The following B4GALNT3 variants were observed in gnomAD, a reference collection of about 807,000 sequenced individuals.
The protein encoded by B4GALNT3 is beta-1,4-N-acetylgalactosaminyltransferase 3.
A neutral mutation model predicts 120.2 loss-of-function variants in B4GALNT3; 86 were observed. That is an observed-to-expected ratio of 0.72 (90% CI 0.60 to 0.86). The LOEUF (loss-of-function observed/expected upper bound fraction) is 0.86, where lower values mean the gene tolerates loss of function less well. Among genes scored for constraint, B4GALNT3 ranks in the 40% least tolerant of loss-of-function variants. The pLI is 0.00. For missense variants in B4GALNT3, 1,167 were observed against 1,298.9 expected (o/e 0.90, Z 1.56); for synonymous variants, 518 against 510.4 (o/e 1.01, Z -0.20).
At chr12:534,114 A>G (rs1031294893) in intron 1 of B4GALNT3, among the ~76,000 whole-genome samples, 33 of 152,180 alleles carry the variant, frequency 2.2e-4, no homozygotes, top group African/African-American at 7.5e-4. Context: ...TGTTGAGGGA[A>G]AGGGGAGCTC....
At position 460,613 on chromosome 12, in the gene B4GALNT3, G is replaced by T; in HGVS notation, c.169+68G>T. On this transcript the variant is annotated intron_variant, in intron 1 of 19. Coordinates refer to ENST00000266383, the MANE Select transcript of B4GALNT3 (RefSeq NM_173593.4). This position sits in a 1 kb window ranked among gnomAD's most constrained non-coding sequence, Gnocchi z 8.0. Reference sequence around the variant, plus strand: ...GCGGCGGCGGCTCCTGCGTTGGGGGGACCCGCCTCTCATCCCATCCTCAGA... The same window carrying T: ...GCGGCGGCGGCTCCTGCGTTGGGGGTACCCGCCTCTCATCCCATCCTCAGA... 7 of 1,267,000 alleles carry T rather than the reference G, an allele frequency of 5.5e-6. No individual in the cohort carries two copies. Among genetic ancestry groups the T allele is most frequent in the Non-Finnish European group, 7.1e-6 (7 of 990,662 alleles). 78.5% of individuals were successfully genotyped at this position (1,267,000 alleles called of 1,614,324 possible).
At chr12:535,303 T>C (rs2120662975) in intron 2 of B4GALNT3, 34 bp downstream of exon 2, 3 of 1,587,680 alleles carry the variant, frequency 1.9e-6, no homozygotes, top group Admixed American at 1.7e-5. Context: ...TCCCTGCTGA[T>C]GCCTTAACAA....
At chr12:535,116 A>G in intron 1 of B4GALNT3, 50 bp from the exon 2 acceptor site, 1 of 1,484,406 alleles carries the variant, frequency 6.7e-7, no homozygotes, top group Non-Finnish European at 9.3e-7. Flanking sequence ...TAGGTGTATG[A>G]GGTTTCCAGG....
At chr12:489,248 G>C (rs1027541580) in intron 1 of B4GALNT3, among the ~76,000 whole-genome samples, 1 of 150,360 alleles carries the variant, frequency 6.7e-6, no homozygotes, top group African/African-American at 2.5e-5. Context: ...ATGATGGGTT[G>C]ATAAGGGAAG....
intron 1 of B4GALNT3, among the ~76,000 whole-genome samples, chr12:502,660 T>G (rs1488346955): frequency 6.6e-6 from 1 of 152,210 alleles, no homozygotes; most frequent in Admixed American, 6.5e-5. Context: ...AGTGGTGTTC[T>G]TAGCACAGAT....
At chr12:470,239 T>C (rs1397842491) in intron 1 of B4GALNT3, among the ~76,000 whole-genome samples, 4 of 152,204 alleles carry the variant, frequency 2.6e-5, no homozygotes, top group African/African-American at 9.6e-5. Flanking sequence ...TCCCAATAGT[T>C]CTGACTGCTT....
chr12:472,146 A>C (rs1946142965), intron 1 of B4GALNT3, among the ~76,000 whole-genome samples: 1 of 152,224 alleles, frequency 6.6e-6, no homozygotes. Context: ...TAGGGAACAC[A>C]AGTTCTGTAG....
intron 6 of B4GALNT3, among the ~76,000 whole-genome samples, chr12:546,218 G>C (rs1303614505): frequency 2.7e-5 from 3 of 110,808 alleles, no homozygotes; most frequent in Non-Finnish European, 5.8e-5. Flanking sequence ...AGGGAGGGGG[G>C]TGTGGGAGGA....
At chr12:551,165 G>A in intron 11 of B4GALNT3, 134 bp downstream of exon 11, 1 of 768,496 alleles carries the variant, frequency 1.3e-6, no homozygotes, top group Non-Finnish European at 2.1e-6. Context: ...GTCCTCACAG[G>A]TCCCTGGGCT....
intron 1 of B4GALNT3, among the ~76,000 whole-genome samples, chr12:462,307 T>C (rs1284266805): frequency 2.6e-5 from 4 of 151,638 alleles, no homozygotes; most frequent in Non-Finnish European, 4.4e-5. Context: ...AGGCAGTTGC[T>C]TTGTGACCTT....
intron 1 of B4GALNT3, among the ~76,000 whole-genome samples, chr12:487,798 A>C (rs1286528059): frequency 6.6e-6 from 1 of 152,006 alleles, no homozygotes; most frequent in Non-Finnish European, 1.5e-5. Flanking sequence ...TACCAAAAAA[A>C]AATTTTAAAA....
chr12:544,018 C>CCT, intron 3 of B4GALNT3, among the ~76,000 whole-genome samples: 1 of 70,966 alleles, frequency 1.4e-5, no homozygotes, highest in African/African-American at 6.3e-5. Context: ...CTCATCTTCC[C>CCT]GGAGCTGAGG....
intron 1 of B4GALNT3, among the ~76,000 whole-genome samples, chr12:528,415 C>G (rs923999090): frequency 6.6e-6 from 1 of 152,076 alleles, no homozygotes; most frequent in Non-Finnish European, 1.5e-5. Context: ...AATAAAACAC[C>G]CGATGTTTCA....
chr12:519,442 A>G (rs71447491), intron 1 of B4GALNT3, among the ~76,000 whole-genome samples: 2,724 of 152,298 alleles, frequency 0.018, 26 homozygotes, highest in Non-Finnish European at 0.026. Context: ...TTTAAGCATC[A>G]TGCAGGTAAA....
intron 1 of B4GALNT3, among the ~76,000 whole-genome samples, chr12:515,736 G>A (rs544883179): frequency 8.5e-5 from 13 of 152,216 alleles, no homozygotes; most frequent in South Asian, 2.1e-4. Flanking sequence ...ATGTCTTAGC[G>A]CCTGACTCTG....
chr12:492,989 A>T (rs1009201701), intron 1 of B4GALNT3, among the ~76,000 whole-genome samples: 2 of 152,180 alleles, frequency 1.3e-5, no homozygotes, highest in Admixed American at 6.5e-5. Context: ...TAAAACTTCT[A>T]GACAACCACA....
chr12:540,700 T>A (rs965277684), intron 3 of B4GALNT3, among the ~76,000 whole-genome samples: 1 of 152,134 alleles, frequency 6.6e-6, no homozygotes, highest in African/African-American at 2.4e-5. Context: ...GAGGCTCTGT[T>A]CTGAAGCCTT....
chr12:480,393 C>T (rs1299588059), intron 1 of B4GALNT3, among the ~76,000 whole-genome samples: 3 of 13,250 alleles, frequency 2.3e-4, no homozygotes, highest in East Asian at 0.012. Context: ...TGCCCCCGGA[C>T]GTCAGTTTCC....
intron 1 of B4GALNT3, among the ~76,000 whole-genome samples, chr12:519,112 ATC>A (rs1417757218): frequency 6.6e-6 from 1 of 152,228 alleles, no homozygotes; most frequent in Non-Finnish European, 1.5e-5. Flanking sequence ...AGAAGCCTGT[ATC>A]TGTTTTTACA....
Sources: gnomAD v4.1 joint callset for allele counts (sites outside exome capture counted in the v4.1 genomes callset) on GRCh38, gnomAD v4.1.1 for gene constraint, Gnocchi (gnomAD v3.1) non-coding constraint, MANE v1.5 for transcripts, NCBI Gene and HGNC (gene_info 2026-07-23, HGNC 2026-07-21) for gene names.